The following ARHGEF28 variants were observed in gnomAD, a reference collection of about 807,000 sequenced individuals.
ARHGEF28 encodes Rho guanine nucleotide exchange factor 28.
A neutral mutation model predicts 206.6 loss-of-function variants in ARHGEF28; 152 were observed. That is an observed-to-expected ratio of 0.74 (90% CI 0.64 to 0.84). The LOEUF (loss-of-function observed/expected upper bound fraction) is 0.84, where lower values mean the gene tolerates loss of function less well. Ranked by LOEUF, ARHGEF28 falls within the 40% of genes least tolerant of loss-of-function variation. The pLI is 0.00. For missense variants in ARHGEF28, 2,028 were observed against 2,073.2 expected, an observed-to-expected ratio of 0.98 and a Z score of 0.42; for synonymous variants, 763 against 776.4, an observed-to-expected ratio of 0.98 and a Z score of 0.29.
At chr5:73,939,614 C>T (rs1353153288) in intron 35 of ARHGEF28, among the ~76,000 whole-genome samples, 1 of 152,194 alleles carries the variant, frequency 6.6e-6, no homozygotes, top group East Asian at 1.9e-4. Flanking sequence ...CCTCCATTGA[C>T]CCACCTCCTA....
chr5:73,657,995 G>T (rs1192318623), intron 1 of ARHGEF28, among the ~76,000 whole-genome samples: 1 of 152,120 alleles, frequency 6.6e-6, no homozygotes, highest in Non-Finnish European at 1.5e-5. Flanking sequence ...TTTATTTTAT[G>T]ACTTTGGGAG....
chr5:73,646,094 T>G (rs566738373), intron 1 of ARHGEF28, among the ~76,000 whole-genome samples: 15 of 152,278 alleles, frequency 9.9e-5, no homozygotes, highest in Middle Eastern at 6.8e-3. Flanking sequence ...CCCTCCTGCC[T>G]TCCCTGCCCT....
rs145020390 is a variant in ARHGEF28, at chr5:73,722,035, A to G, written c.34-27802A>G. On this transcript the variant is annotated intron_variant, in intron 2 of 35. Coordinates refer to ENST00000513042, the MANE Select transcript of ARHGEF28 (RefSeq NM_001177693.2). The stretch of plus-strand genomic sequence containing the variant: ...AATGAGTATATCTGGGAGCCTGTCA[A>G]TTATGATCTTTTGCTGCTATTCAGT... Among the ~76,000 whole-genome samples the G allele has an allele frequency of 4.6e-5, 7 of 152,316 alleles. No individual in the cohort carries two copies. The East Asian group carries it at 1.2e-3, about 25-fold the overall frequency.
chr5:73,638,061 T>A (rs1452035606), intron 1 of ARHGEF28, among the ~76,000 whole-genome samples: 4 of 152,114 alleles, frequency 2.6e-5, no homozygotes, highest in African/African-American at 4.8e-5. Flanking sequence ...GTAATTGGAG[T>A]GATTATCTTT....
At chr5:73,855,059 G>A (rs1758932700) in intron 14 of ARHGEF28, among the ~76,000 whole-genome samples, 1 of 152,064 alleles carries the variant, frequency 6.6e-6, no homozygotes, top group Admixed American at 6.6e-5. Flanking sequence ...GAGATTAGAC[G>A]TTCTTGTTCT....
At chr5:73,873,314 A>G (rs1561474929) in intron 22 of ARHGEF28, 68 bp downstream of exon 22, 1 of 1,508,068 alleles carries the variant, frequency 6.6e-7, no homozygotes, top group East Asian at 2.3e-5. Flanking sequence ...CTGCCCTTTC[A>G]TCAACAAGAG....
chr5:73,767,741 G>A (rs1752978122), intron 4 of ARHGEF28, among the ~76,000 whole-genome samples: 1 of 152,204 alleles, frequency 6.6e-6, no homozygotes, highest in African/African-American at 2.4e-5. Context: ...TTTCTGAGGA[G>A]AAATTCAAGC....
At chr5:73,735,169 G>T (rs1750838503) in intron 2 of ARHGEF28, among the ~76,000 whole-genome samples, 1 of 151,506 alleles carries the variant, frequency 6.6e-6, no homozygotes, top group African/African-American at 2.4e-5. Flanking sequence ...TCTCTGAGTA[G>T]CTGGCTAATT....
chr5:73,738,059 A>G lies in ARHGEF28; in HGVS notation c.34-11778A>G, dbSNP rs150569632. Among the ~76,000 whole-genome samples the G allele has an allele frequency of 4.5e-3, 692 of 152,332 alleles. 5 individuals are homozygous for G. Among genetic ancestry groups the G allele is most frequent in the African/African-American group, 0.016 (651 of 41,582 alleles). ...AGCCCAGAAGAGAAGAGACAAGACA[A>G]TGGAGGCTGGGGATGCTGTCGGGGT... On this transcript the variant is annotated intron_variant, in intron 2 of 35. Coordinates refer to ENST00000513042, the MANE Select transcript of ARHGEF28 (RefSeq NM_001177693.2).
intron 9 of ARHGEF28, among the ~76,000 whole-genome samples, chr5:73,802,869 G>A (rs1223065060): frequency 1.1e-5 from 1 of 93,112 alleles, no homozygotes; most frequent in Non-Finnish European, 2.1e-5. Context: ...AAGCTCGATT[G>A]CTGTGTGTGT....
intron 31 of ARHGEF28, 105 bp from the exon 32 acceptor site, chr5:73,904,117 G>A: frequency 2.7e-6 from 3 of 1,098,790 alleles, no homozygotes; most frequent in Non-Finnish European, 4.1e-6. Flanking sequence ...ATCAAGTTTA[G>A]AGATAGCAAA....
chr5:73,634,869 A>G (rs1743600066), intron 1 of ARHGEF28, among the ~76,000 whole-genome samples: 1 of 152,216 alleles, frequency 6.6e-6, no homozygotes, highest in Admixed American at 6.5e-5. Context: ...ACCAGCCCCA[A>G]GCCAACCTAT....
At chr5:73,665,696 A>G (rs1745907249) in intron 1 of ARHGEF28, among the ~76,000 whole-genome samples, 1 of 152,108 alleles carries the variant, frequency 6.6e-6, no homozygotes, top group African/African-American at 2.4e-5. Context: ...CCCTCTCATG[A>G]TAATAAACCC....
At chr5:73,847,849 G>A (rs1758460347) in intron 12 of ARHGEF28, among the ~76,000 whole-genome samples, 1 of 152,170 alleles carries the variant, frequency 6.6e-6, no homozygotes, top group Non-Finnish European at 1.5e-5. Flanking sequence ...GACAACTTGG[G>A]TTGGCCTTCT....
chr5:73,885,909 G>A lies in ARHGEF28; in HGVS notation c.3115G>A (p.Ala1039Thr), dbSNP rs1428902222. ...GCTTTGCTTAATTAAAGACATGATTGCAACAGTGGATTTAAAAGTCAATGA... is the reference window on the plus strand; with the variant it reads ...GCTTTGCTTAATTAAAGACATGATTACAACAGTGGATTTAAAAGTCAATGA... ...KALCLIKDMIATVDLKVNEYE... is the reference protein window; with the variant it reads ...KALCLIKDMITTVDLKVNEYE... Residue 1039 changes from alanine to threonine, a missense_variant, in exon 25 of 36, where the codon GCA becomes ACA. Around this residue, in one of 3 missense-constraint regions of ARHGEF28, gnomAD observed 223 missense variants for 289.9 expected, o/e 0.77. Coordinates refer to ENST00000513042, the MANE Select transcript of ARHGEF28 (RefSeq NM_001177693.2). The A allele has an allele frequency of 6.2e-7, 1 of 1,613,494 alleles. No individual in the cohort carries two copies. The highest frequency in any genetic ancestry group is 8.5e-7 in the Non-Finnish European group (1 of 1,179,742).
intron 20 of ARHGEF28, among the ~76,000 whole-genome samples, chr5:73,868,837 G>A (rs1759882103): frequency 6.6e-6 from 1 of 152,142 alleles, no homozygotes; most frequent in Admixed American, 6.5e-5. Flanking sequence ...CGTAGAGATG[G>A]GGTTTCACCA....
chr5:73,642,955 AC>A (rs1744217476), intron 1 of ARHGEF28, among the ~76,000 whole-genome samples: 1 of 152,184 alleles, frequency 6.6e-6, no homozygotes, highest in Non-Finnish European at 1.5e-5. Flanking sequence ...ATCCTTTAAT[AC>A]ATGTTGTATT....
At chr5:73,850,152 A>C (rs769124362) in intron 13 of ARHGEF28, among the ~76,000 whole-genome samples, 3 of 151,112 alleles carry the variant, frequency 2.0e-5, no homozygotes, top group Non-Finnish European at 4.4e-5. Context: ...TGAAACAGCT[A>C]TCCTAGAATA....
intron 1 of ARHGEF28, among the ~76,000 whole-genome samples, chr5:73,641,067 G>A (rs1173185527): frequency 6.6e-6 from 1 of 152,130 alleles, no homozygotes; most frequent in Non-Finnish European, 1.5e-5. Flanking sequence ...GCCATGTTCT[G>A]GTAGGAATCC....
Sources: allele counts gnomAD v4.1 joint callset (sites outside exome capture counted in the v4.1 genomes callset), GRCh38; gene constraint gnomAD v4.1.1; regional missense constraint gnomAD v4.1.1; transcripts MANE v1.5; gene names NCBI Gene and HGNC (gene_info 2026-07-23, HGNC 2026-07-21).